The following PARL variants were observed in gnomAD, a reference collection of about 807,000 sequenced individuals.
PARL encodes presenilin-associated rhomboid-like protein, mitochondrial.
In PARL, 44 loss-of-function variants were observed where a neutral mutation model predicts 51.6. The ratio of observed to expected loss-of-function variants is 0.85; its 90% CI spans 0.67 to 1.10. The LOEUF (loss-of-function observed/expected upper bound fraction) is 1.10. Ranked by LOEUF, PARL falls within the 50% of genes least tolerant of loss-of-function variation. The pLI, the probability that PARL is intolerant of heterozygous loss-of-function variation, is 0.00. For missense variants in PARL, 441 were observed against 469.5 expected (o/e 0.94, Z 0.56); for synonymous variants, 172 against 164.0 (o/e 1.05, Z -0.37).
intron 7 of PARL, among the ~76,000 whole-genome samples, chr3:183,835,089 A>G (rs1315418150): frequency 6.6e-6 from 1 of 150,844 alleles, no homozygotes. Flanking sequence ...AACAAAAAAG[A>G]CTTTATGGGA....
At position 183,862,767 on chromosome 3, in the gene PARL, T is replaced by C. The variant is rs1560412588; in HGVS notation, c.497A>G (p.Gln166Arg). 4 of 1,613,614 alleles carry C rather than the reference T, an allele frequency of 2.5e-6. No individual in the cohort carries two copies. Among genetic ancestry groups the C allele is most frequent in the Middle Eastern group, 1.6e-4 (1 of 6,062 alleles). Residue 166 changes from glutamine (Q) to arginine (R), a missense_variant, in exon 4 of 10, where the codon CAG becomes CGG. Gln to Arg is a conservative substitution (Grantham distance 43). Coordinates refer to ENST00000317096, the MANE Select transcript of PARL (RefSeq NM_018622.7). ...NKWWNNLSDG[Q>R]RTVTGIIAAN... Reference sequence around the variant, plus strand: ...CTAACACAAACCTGTCACAGTCCGCTGGCCATCACTTAGGTTATTCCACCA... The same window carrying C: ...CTAACACAAACCTGTCACAGTCCGCCGGCCATCACTTAGGTTATTCCACCA...
intron 1 of PARL, among the ~76,000 whole-genome samples, chr3:183,877,772 A>G (rs1007299523): frequency 2.0e-5 from 3 of 151,514 alleles, no homozygotes; most frequent in Non-Finnish European, 4.4e-5. Context: ...AAACCACTCT[A>G]AAATGCACTG....
intron 4 of PARL, among the ~76,000 whole-genome samples, chr3:183,859,065 G>T (rs1731497663): frequency 6.6e-6 from 1 of 152,076 alleles, no homozygotes; most frequent in African/African-American, 2.4e-5. Flanking sequence ...CCAGCACTTT[G>T]GGAGGCCGAG....
intron 1 of PARL, among the ~76,000 whole-genome samples, chr3:183,877,678 G>A (rs1456484667): frequency 6.6e-6 from 1 of 152,112 alleles, no homozygotes; most frequent in East Asian, 1.9e-4. Context: ...CCAGCAAAAA[G>A]ATTATGACTC....
chr3:183,832,700 T>G (rs544969088), intron 9 of PARL, among the ~76,000 whole-genome samples: 2 of 152,294 alleles, frequency 1.3e-5, no homozygotes, highest in East Asian at 3.9e-4. Flanking sequence ...TGACCGTGTT[T>G]CCGTGATACA....
chr3:183,853,501 G>A (rs1276406465), intron 4 of PARL, among the ~76,000 whole-genome samples: 3 of 150,474 alleles, frequency 2.0e-5, no homozygotes, highest in African/African-American at 5.0e-5. Flanking sequence ...GCAGTGAGCC[G>A]AGATCGCTCC....
At chr3:183,856,907 C>T (rs1244868393) in intron 4 of PARL, among the ~76,000 whole-genome samples, 1 of 152,184 alleles carries the variant, frequency 6.6e-6, no homozygotes, top group Non-Finnish European at 1.5e-5. Context: ...TTTCCAGTAA[C>T]TTATCCTAAA....
At chr3:183,844,988 G>C (rs1258961808) in intron 4 of PARL, among the ~76,000 whole-genome samples, 1 of 152,150 alleles carries the variant, frequency 6.6e-6, no homozygotes, top group South Asian at 2.1e-4. Flanking sequence ...TTACATTTTA[G>C]ATAAGAAATT....
intron 3 of PARL, among the ~76,000 whole-genome samples, chr3:183,866,416 T>C (rs992249363): frequency 2.6e-5 from 4 of 152,244 alleles, no homozygotes; most frequent in South Asian, 2.1e-4. Context: ...CTATAATCTA[T>C]AGTACATTTC....
chr3:183,876,725 G>C (rs1332750862), intron 1 of PARL, among the ~76,000 whole-genome samples: 2 of 151,878 alleles, frequency 1.3e-5, no homozygotes, highest in African/African-American at 4.8e-5. Flanking sequence ...GATGGATCTG[G>C]GCAAGGTAAA....
chr3:183,844,276 G>C lies in PARL; in HGVS notation c.562C>G (p.Leu188Val). Reference protein sequence around the residue: ...LVFCLWRVPSLQRTMIRYFTS... With the variant: ...LVFCLWRVPSVQRTMIRYFTS... ...AAATATCTGATCATTGTCCGCTGCA[G>C]AGAAGGTACTCTCCATAAACAGAAT... is the stretch of plus-strand genomic sequence containing the variant. Residue 188 changes from leucine (L) to valine (V), a missense_variant, in exon 5 of 10, where the codon CTG (leucine) becomes GTG (valine). By Grantham distance (32) the Leu-to-Val change is conservative (BLOSUM62 1). Transcript: ENST00000317096. The C allele has an allele frequency of 6.2e-7, 1 of 1,609,338 alleles. No homozygotes were observed. Among genetic ancestry groups the C allele is most frequent in the South Asian group, 1.1e-5 (1 of 90,968 alleles).
chr3:183,838,535 G>C (rs1462206744), intron 7 of PARL, among the ~76,000 whole-genome samples: 1 of 152,142 alleles, frequency 6.6e-6, no homozygotes, highest in Non-Finnish European at 1.5e-5. Flanking sequence ...GTAGGATTTT[G>C]ATGACTGAAC....
At chr3:183,872,505 T>C (rs1301075508) in intron 1 of PARL, among the ~76,000 whole-genome samples, 1 of 152,256 alleles carries the variant, frequency 6.6e-6, no homozygotes, top group Admixed American at 6.5e-5. Flanking sequence ...TATAAACTTA[T>C]GCAACCAATG....
intron 7 of PARL, among the ~76,000 whole-genome samples, chr3:183,839,740 A>T (rs188748379): frequency 0.011 from 1,461 of 133,478 alleles, 23 homozygotes; most frequent in East Asian, 0.083. Flanking sequence ...TTAAAAAAAA[A>T]TTTTTTTTTT....
intron 4 of PARL, among the ~76,000 whole-genome samples, chr3:183,861,900 A>C (rs1287521937): frequency 6.6e-6 from 1 of 152,044 alleles, no homozygotes; most frequent in African/African-American, 2.4e-5. Context: ...CAGCCTCCCA[A>C]GTAGCTGGGA....
chr3:183,883,273 GTATT>G (rs1312864153), intron 1 of PARL, among the ~76,000 whole-genome samples: 7 of 152,182 alleles, frequency 4.6e-5, no homozygotes, highest in South Asian at 2.1e-4. Context: ...TACACGTACA[GTATT>G]TATTTATTTT....
intron 3 of PARL, among the ~76,000 whole-genome samples, chr3:183,864,787 A>G (rs1732261365): frequency 6.6e-6 from 1 of 151,978 alleles, no homozygotes; most frequent in Admixed American, 6.6e-5. Flanking sequence ...AAGAAAAAAA[A>G]AAAGAAACAA....
rs910385043 is a variant in PARL at position 183,829,662 on chromosome 3, G to A, written c.1076C>T (p.Pro359Leu). ...GHELIWKNRE[P>L]LVKIWHEIRT... is the part of the protein sequence containing the mutation. ...TATTTCATGCCAGATTTTCACTAGC[G>A]GCTCCCTGTTCTTCCAAATCAGTTC... Residue 359 changes from proline to leucine, a missense_variant, in exon 10 of 10, where the codon CCG (proline) becomes CTG (leucine). Physicochemically the swap from Pro to Leu is moderately conservative, Grantham distance 98. Coordinates refer to ENST00000317096, the MANE Select transcript of PARL (RefSeq NM_018622.7). 6.2e-6 allele frequency: 10 copies of A among 1,613,930 alleles called. No individual in the cohort carries two copies. The highest frequency in any genetic ancestry group is 1.6e-4 in the Middle Eastern group (1 of 6,084).
chr3:183,832,804 A>G (rs1728108936), intron 9 of PARL, among the ~76,000 whole-genome samples: 1 of 152,148 alleles, frequency 6.6e-6, no homozygotes, highest in Non-Finnish European at 1.5e-5. Flanking sequence ...TGACCCAAGG[A>G]AGCAGTTTAG....
Sources: gnomAD v4.1 joint callset for allele counts (sites outside exome capture counted in the v4.1 genomes callset) on GRCh38, gnomAD v4.1.1 for gene constraint, MANE v1.5 for transcripts, NCBI Gene and HGNC (gene_info 2026-07-23, HGNC 2026-07-21) for gene names.